Variants in FYB1 observed in about 807,000 individuals in gnomAD.
FYB1 encodes FYN binding protein 1, also known as FYN-binding protein 1.
A neutral mutation model predicts 94.1 loss-of-function variants in FYB1; 41 were observed. The ratio of observed to expected loss-of-function variants is 0.44; its 90% CI spans 0.34 to 0.57. FYB1 has a LOEUF of 0.57. Ranked by LOEUF, FYB1 falls within the 20% of genes least tolerant of loss-of-function variation. The pLI is 0.02. For missense variants in FYB1, 1,050 were observed against 976.8 expected (o/e 1.07, Z -1.00); for synonymous variants, 367 against 353.2 (o/e 1.04, Z -0.44).
intron 1 of FYB1, among the ~76,000 whole-genome samples, chr5:39,273,280 T>C (rs1357919137): frequency 6.6e-6 from 1 of 152,252 alleles, no homozygotes; most frequent in Non-Finnish European, 1.5e-5. Context: ...GGGAGACTTT[T>C]CATTTTGTTC....
intron 2 of FYB1, among the ~76,000 whole-genome samples, chr5:39,167,905 T>A (rs1304065725): frequency 6.6e-6 from 1 of 152,212 alleles, no homozygotes; most frequent in Non-Finnish European, 1.5e-5. Context: ...CTCCAGGGCA[T>A]CAGCTTACTC....
chr5:39,252,260 G>T (rs1751750475), intron 1 of FYB1, among the ~76,000 whole-genome samples: 1 of 151,316 alleles, frequency 6.6e-6, no homozygotes. Context: ...AACAGGGCAT[G>T]TGTTGCAATA....
intron 13 of FYB1, among the ~76,000 whole-genome samples, chr5:39,123,937 C>CAT (rs1157780229): frequency 6.6e-6 from 1 of 152,130 alleles, no homozygotes; most frequent in Non-Finnish European, 1.5e-5. Flanking sequence ...GCAGAAGTCT[C>CAT]ATATATCAAG....
chr5:39,225,475 T>G (rs1750432386), intron 1 of FYB1, among the ~76,000 whole-genome samples: 1 of 152,228 alleles, frequency 6.6e-6, no homozygotes, highest in Non-Finnish European at 1.5e-5. Flanking sequence ...ATATTTTCTT[T>G]GTCTTTTTTC....
intron 1 of FYB1, among the ~76,000 whole-genome samples, chr5:39,272,501 A>C (rs1253178180): frequency 2.3e-4 from 2 of 8,888 alleles, no homozygotes; most frequent in Non-Finnish European, 6.6e-3. Context: ...CGTCTCTACT[A>C]AAAAAAAAAA....
chr5:39,270,709 G>T, intron 1 of FYB1: 1 of 632,622 alleles, frequency 1.6e-6, no homozygotes, highest in Non-Finnish European at 2.5e-6. Flanking sequence ...TTCACACATT[G>T]ATATGTGAGG....
At chr5:39,192,028 T>C (rs1393984896) in intron 2 of FYB1, among the ~76,000 whole-genome samples, 2 of 152,256 alleles carry the variant, frequency 1.3e-5, no homozygotes, top group Non-Finnish European at 2.9e-5. Flanking sequence ...AAGCCTTTAA[T>C]GGCAAAAGCG....
At position 39,227,450 on chromosome 5, in the gene FYB1, A is replaced by G. The variant is rs145989166; in HGVS notation, c.-27-24463T>C. On this transcript the variant is annotated intron_variant, in intron 1 of 1. Coordinates refer to the FYB1 transcript ENST00000510188. ...ATGAATTGTCATTTGCACAACTTGT[A>G]TTCAAGTGGCTTAGGAAATAATTTA... is the stretch of plus-strand genomic sequence containing the variant. Among the ~76,000 whole-genome samples the G allele has an allele frequency of 1.8e-3, 267 of 152,002 alleles. 1 individual carries two copies. Among genetic ancestry groups the G allele is most frequent in the Non-Finnish European group, 2.9e-3 (196 of 68,028 alleles).
chr5:39,195,592 G>A (rs990499652), intron 2 of FYB1, among the ~76,000 whole-genome samples: 7 of 152,130 alleles, frequency 4.6e-5, no homozygotes, highest in African/African-American at 9.7e-5. Context: ...TGGGGCCCTC[G>A]CCTTACACCT....
intron 2 of FYB1, among the ~76,000 whole-genome samples, chr5:39,159,275 T>C (rs564765430): frequency 6.6e-6 from 1 of 152,312 alleles, no homozygotes; most frequent in Non-Finnish European, 1.5e-5. Flanking sequence ...AGACTTTTAT[T>C]TTCTCTGGGC....
At position 39,202,659 on chromosome 5, in the gene FYB1, C is replaced by T. The variant is rs140456118; in HGVS notation, c.302G>A (p.Arg101Lys). ...AAATCCCACTTTCGCCTCGGGGTCT[C>T]TGGTGGTCAAGCTGGCTGGTGTTCC... ...RFGTPASLTT[R>K]DPEAKVGFLK... Residue 101 changes from arginine (R) to lysine (K), a missense_variant, in exon 2 of 19, where the codon AGA becomes AAA. Physicochemically the swap from Arg to Lys is conservative, Grantham distance 26. Transcript: ENST00000512982. 1.3e-5 allele frequency: 21 copies of T among 1,613,802 alleles called. No homozygotes were observed. In the East Asian group the frequency reaches 4.7e-4, roughly 36 times the overall value.
chr5:39,238,766 T>G (rs1220295315), intron 1 of FYB1, among the ~76,000 whole-genome samples: 2 of 152,092 alleles, frequency 1.3e-5, no homozygotes, highest in Non-Finnish European at 2.9e-5. Context: ...TGATTAAGCC[T>G]AAAGGAAAGC....
rs968056559 is a variant in FYB1 at position 39,202,697 on chromosome 5, T to C, written c.264A>G (p.Ala88=). 1.2e-6 allele frequency: 2 copies of C among 1,613,912 alleles called. No homozygotes were observed. The part of the protein sequence containing the change: ...PKPPFLKPTG[A]GQRFGTPASL... ...TGGCTGGTGTTCCGAATCTTTGGCC[T>C]GCTCCAGTGGGCTTTAGAAACGGGG... is the stretch of plus-strand genomic sequence containing the variant. The change falls in exon 2 of 19, where the codon GCA becomes GCG. Residue 88 remains alanine, a synonymous_variant. Coordinates refer to ENST00000512982, the MANE Select transcript of FYB1 (RefSeq NM_001465.6).
intron 2 of FYB1, among the ~76,000 whole-genome samples, chr5:39,172,430 A>G (rs1580455979): frequency 6.8e-6 from 1 of 147,150 alleles, no homozygotes; most frequent in East Asian, 2.0e-4. Flanking sequence ...TGGGCGACAG[A>G]GCAAGACTCC....
At chr5:39,162,461 C>T (rs1180205197) in intron 2 of FYB1, among the ~76,000 whole-genome samples, 1 of 151,970 alleles carries the variant, frequency 6.6e-6, no homozygotes, top group Non-Finnish European at 1.5e-5. Flanking sequence ...CCGAGGTGGG[C>T]AGATCATGAG....
chr5:39,148,161 ATATATATATAT>A (rs1742891094), intron 3 of FYB1, among the ~76,000 whole-genome samples: 20 of 6,610 alleles, frequency 3.0e-3, no homozygotes, highest in Admixed American at 4.0e-3. Flanking sequence ...TTTTTTATAT[ATATATATATAT>A]ATATATATAT....
At chr5:39,155,344 A>G (rs938327850) in intron 2 of FYB1, among the ~76,000 whole-genome samples, 1 of 152,196 alleles carries the variant, frequency 6.6e-6, no homozygotes, top group Non-Finnish European at 1.5e-5. Flanking sequence ...TGCAGACTCG[A>G]GACCCTCTAG....
intron 1 of FYB1, among the ~76,000 whole-genome samples, chr5:39,231,624 G>T (rs1198153172): frequency 3.9e-5 from 6 of 152,090 alleles, no homozygotes; most frequent in Non-Finnish European, 8.8e-5. Flanking sequence ...AGGATTTCGT[G>T]GGCTGAGAGA....
intron 2 of FYB1, among the ~76,000 whole-genome samples, chr5:39,166,998 A>T (rs1299059148): frequency 6.6e-6 from 1 of 152,206 alleles, no homozygotes; most frequent in Non-Finnish European, 1.5e-5. Flanking sequence ...AAAATATAGC[A>T]CATAAACATA....
Sources: allele counts gnomAD v4.1 joint callset (sites outside exome capture counted in the v4.1 genomes callset), GRCh38; gene constraint gnomAD v4.1.1; transcripts MANE v1.5; gene names NCBI Gene and HGNC (gene_info 2026-07-23, HGNC 2026-07-21).